Variants in RFC1 observed in about 807,000 individuals in gnomAD.
RFC1 encodes replication factor C subunit 1.
A neutral mutation model predicts 137.4 loss-of-function variants in RFC1; 37 were observed. The ratio of observed to expected loss-of-function variants is 0.27; its 90% CI spans 0.21 to 0.35. The LOEUF (loss-of-function observed/expected upper bound fraction) is 0.35, where lower values mean the gene tolerates loss of function less well. RFC1 is among the 10% of genes least tolerant of loss of function. The probability of loss-of-function intolerance (pLI) is 1.00; values close to 1 mark genes in which losing one functional copy is unlikely to be tolerated. For synonymous variants in RFC1, 429 were observed against 455.7 expected (o/e 0.94, Z 0.75); for missense variants, 1,205 against 1,358.5 (o/e 0.89, Z 1.78).
At chr4:39,345,227 C>T (rs1030420736) in intron 3 of RFC1, among the ~76,000 whole-genome samples, 174 bp downstream of exon 3, 4 of 152,136 alleles carry the variant, frequency 2.6e-5, no homozygotes, top group Admixed American at 2.0e-4. Context: ...GTTGGCCAGG[C>T]TGGTCTCGAA....
chr4:39,344,895 G>A (rs1740772039), intron 3 of RFC1, among the ~76,000 whole-genome samples: 1 of 152,040 alleles, frequency 6.6e-6, no homozygotes, highest in Non-Finnish European at 1.5e-5. Flanking sequence ...AACATATTTT[G>A]GTTCTGATAA....
At chr4:39,309,689 A>T (rs1003354850) in intron 12 of RFC1, among the ~76,000 whole-genome samples, 33 of 152,220 alleles carry the variant, frequency 2.2e-4, no homozygotes, top group African/African-American at 7.5e-4. Context: ...GTGGCTGCTG[A>T]TAGGTACAGG....
At chr4:39,327,235 T>C (rs773217434) in intron 5 of RFC1, among the ~76,000 whole-genome samples, 1 of 152,210 alleles carries the variant, frequency 6.6e-6, no homozygotes, top group Non-Finnish European at 1.5e-5. Flanking sequence ...TTGAGGTCAA[T>C]AGTAAAATGA....
intron 1 of RFC1, among the ~76,000 whole-genome samples, chr4:39,361,291 AG>A (rs2109782428): frequency 6.6e-6 from 1 of 152,314 alleles, no homozygotes; most frequent in African/African-American, 2.4e-5. Flanking sequence ...TGGGAGGCTG[AG>A]GCAGGAGTAT....
chr4:39,351,596 C>A, intron 1 of RFC1, 120 bp from the exon 2 acceptor site: 1 of 748,532 alleles, frequency 1.3e-6, no homozygotes, highest in Non-Finnish European at 2.0e-6. Context: ...TTTTCCATAC[C>A]AAGATAGTTC....
intron 10 of RFC1, 121 bp from the exon 11 acceptor site, chr4:39,313,052 G>T: frequency 1.2e-6 from 1 of 827,248 alleles, no homozygotes; most frequent in Non-Finnish European, 1.8e-6. Flanking sequence ...ACCTTGGCAT[G>T]GAAAGTTTGC....
chr4:39,304,711 T>C (rs1255687688), intron 15 of RFC1, 103 bp downstream of exon 15: 2 of 753,696 alleles, frequency 2.7e-6, no homozygotes, highest in Non-Finnish European at 2.4e-6. Flanking sequence ...CAGAATTTAG[T>C]AGGGTGCTTG....
chr4:39,295,974 C>CT, intron 21 of RFC1: 2 of 396,700 alleles, frequency 5.0e-6, no homozygotes, highest in African/African-American at 4.1e-5. Context: ...CTTGATCCAA[C>CT]ATGTTATGGC....
intron 10 of RFC1, among the ~76,000 whole-genome samples, chr4:39,314,088 C>G (rs148499921): frequency 1.3e-5 from 2 of 152,212 alleles, no homozygotes; most frequent in East Asian, 1.9e-4. Context: ...AAAGCAGCAG[C>G]CAACCAAAAT....
intron 4 of RFC1, among the ~76,000 whole-genome samples, chr4:39,333,896 T>C (rs17334860): frequency 0.018 from 2,700 of 152,226 alleles, 76 homozygotes; most frequent in African/African-American, 0.062. Flanking sequence ...AGAAAAAATA[T>C]GGGAGTGTTC....
At position 39,320,546 on chromosome 4, in the gene RFC1, G is replaced by A; in HGVS notation, c.932C>T (p.Ser311Phe). ...KSSADKIGEV[S>F]SPKASSKLAI... ...CAGCTTAGAACTGGCCTTGGGAGAA[G>A]AGACTTCTCCTATTTTGTCAGCTGA... The change falls in exon 9 of 25, where the codon TCT becomes TTT. Residue 311 changes from serine (S) to phenylalanine (F), a missense_variant. Ser to Phe is a radical substitution (Grantham distance 155, BLOSUM62 -2). Transcript: ENST00000349703. 3 of 1,613,530 alleles carry A rather than the reference G, an allele frequency of 1.9e-6. No homozygotes were observed. The highest frequency in any genetic ancestry group is 2.5e-6 in the Non-Finnish European group (3 of 1,179,904).
At chr4:39,303,485 C>T (rs1245476498) in intron 15 of RFC1, among the ~76,000 whole-genome samples, 1 of 150,760 alleles carries the variant, frequency 6.6e-6, no homozygotes, top group Non-Finnish European at 1.5e-5. Flanking sequence ...GACAGAGTTT[C>T]ACTCGTTGCC....
chr4:39,342,486 T>C lies in RFC1; in HGVS notation c.209-19A>G. 2 of 1,607,366 alleles carry C rather than the reference T, an allele frequency of 1.2e-6. No individual in the cohort carries two copies. Among genetic ancestry groups the C allele is most frequent in the Non-Finnish European group, 1.7e-6 (2 of 1,176,684 alleles). On this transcript the variant is annotated intron_variant, in intron 3 of 24. Coordinates refer to ENST00000349703, the MANE Select transcript of RFC1 (RefSeq NM_002913.5). The stretch of plus-strand genomic sequence containing the variant: ...TCTGAATCTGTATGTGAGAGAAAAA[T>C]AAAACAAAACTTTGAAAAGAACTAT...
rs774655717 is a variant in RFC1 at position 39,302,580 on chromosome 4, T to C, written c.2356A>G (p.Ile786Val). The change falls in exon 18 of 25, where the codon ATT (isoleucine) becomes GTT (valine). Residue 786 changes from isoleucine (I) to valine (V), a missense_variant. Ile to Val is a conservative substitution (Grantham distance 29). Transcript: ENST00000349703. ...ATCTTTAAACCTTCTTTAAATGCAA[T>C]AGACATCATAGCACCCTGAAATTGA... is the stretch of plus-strand genomic sequence containing the variant. ...VEQIKGAMMS[I>V]AFKEGLKIPP... The C allele has an allele frequency of 1.2e-5, 20 of 1,607,906 alleles. No homozygotes were observed. Among genetic ancestry groups the C allele is most frequent in the East Asian group, 4.5e-5 (2 of 44,840 alleles).
intron 19 of RFC1, among the ~76,000 whole-genome samples, chr4:39,301,530 G>A (rs1738361382): frequency 6.6e-6 from 1 of 152,174 alleles, no homozygotes; most frequent in Non-Finnish European, 1.5e-5. Context: ...TGCGTGTGAG[G>A]GGGACATGAA....
rs143142070 is a variant in RFC1 at position 39,311,466 on chromosome 4, A to G, written c.1467T>C (p.Tyr489=). ...IRTMPGKKSK[Y]EIAVETEMKK... ...GAACCTCAGTTTCAACTGCTATTTC[A>G]TACTTGGATTTCTTGCCTGGCATAG... The change falls in exon 12 of 25, where the codon TAT becomes TAC. Residue 489 remains tyrosine (Y), a synonymous_variant. Coordinates refer to ENST00000349703, the MANE Select transcript of RFC1 (RefSeq NM_002913.5). 14 of 1,613,768 alleles carry G rather than the reference A, an allele frequency of 8.7e-6. No homozygotes were observed. Among genetic ancestry groups the G allele is most frequent in the African/African-American group, 1.3e-5 (1 of 74,932 alleles).
intron 12 of RFC1, among the ~76,000 whole-genome samples, chr4:39,310,389 T>C (rs1738908901): frequency 6.6e-6 from 1 of 152,246 alleles, no homozygotes. Context: ...TCAATGTTAA[T>C]TTCCTGGTTT....
At chr4:39,309,500 A>G (rs1159717349) in intron 12 of RFC1, among the ~76,000 whole-genome samples, 1 of 152,268 alleles carries the variant, frequency 6.6e-6, no homozygotes, top group Non-Finnish European at 1.5e-5. Context: ...CCTAACAAGG[A>G]CTGAAGCACT....
At chr4:39,333,451 C>T (rs1230986496) in intron 4 of RFC1, among the ~76,000 whole-genome samples, 2 of 151,580 alleles carry the variant, frequency 1.3e-5, no homozygotes, top group Non-Finnish European at 2.9e-5. Flanking sequence ...CTATTAGGAA[C>T]ATGAAAAGTA....
Sources: gnomAD v4.1 joint callset for allele counts (sites outside exome capture counted in the v4.1 genomes callset) on GRCh38, gnomAD v4.1.1 for gene constraint, MANE v1.5 for transcripts, NCBI Gene and HGNC (gene_info 2026-07-23, HGNC 2026-07-21) for gene names.